MRPL37: variants seen among roughly 807,000 people sequenced by gnomAD.
MRPL37 encodes the protein large ribosomal subunit protein mL37.
Under a neutral mutation model 44.1 loss-of-function variants are expected in MRPL37, and 34 were observed. That is an observed-to-expected ratio of 0.77 (90% CI 0.59 to 1.03). The LOEUF is 1.03. MRPL37 is among the 50% of genes least tolerant of loss of function. MRPL37 has a pLI of 0.00. For synonymous variants in MRPL37, 212 were observed against 219.5 expected, an observed-to-expected ratio of 0.97 and a Z score of 0.30; for missense variants, 532 against 543.7, an observed-to-expected ratio of 0.98 and a Z score of 0.21.
At position 54,200,715 on chromosome 1, in the gene MRPL37, C is replaced by T. The variant is rs1224425937; in HGVS notation, c.346+126C>T. 2.2e-5 allele frequency: 23 copies of T among 1,053,510 alleles called. No homozygotes were observed. In the East Asian group the frequency reaches 5.8e-4, roughly 26 times the overall value. 65.3% of individuals were successfully genotyped at this position (1,053,510 alleles called of 1,614,324 possible). A position where few individuals can be genotyped will look rare whatever the true frequency, so the allele number is the denominator to read the frequency against. ...TGGTTTCTTCGTCTGCGAAATGGGG[C>T]CGTAGTGATTCCCGTCTTCTGAGGG... On this transcript the variant is annotated intron_variant, in intron 1 of 6. Transcript: ENST00000360840.
At chr1:54,212,418 G>C (rs1644171201) in intron 4 of MRPL37, 83 bp from the exon 5 acceptor site, 3 of 1,513,394 alleles carry the variant, frequency 2.0e-6, no homozygotes, top group South Asian at 2.5e-5. Flanking sequence ...CTGTCCCTGG[G>C]CTAAGGCGAG....
chr1:54,210,219 AG>A, intron 4 of MRPL37, 88 bp downstream of exon 4: 1 of 1,363,616 alleles, frequency 7.3e-7, no homozygotes, highest in Non-Finnish European at 1.0e-6. Context: ...AGAACTTGCT[AG>A]GTGCTAGGCA....
At chr1:54,223,405 C>T (rs965175433), downstream of MRPL37, among the ~76,000 whole-genome samples, 5 of 152,230 alleles carry the variant, frequency 3.3e-5, no homozygotes, top group Non-Finnish European at 5.9e-5. Context: ...GGGAACACAG[C>T]CCACCACTTC....
intron 5 of MRPL37, among the ~76,000 whole-genome samples, chr1:54,215,538 C>T (rs942325569): frequency 2.0e-5 from 3 of 152,082 alleles, no homozygotes; most frequent in Non-Finnish European, 4.4e-5. Context: ...TGAGTTGCAG[C>T]GTCAGCATGA....
chr1:54,215,930 G>A (rs567585578), intron 5 of MRPL37, among the ~76,000 whole-genome samples: 2 of 152,260 alleles, frequency 1.3e-5, no homozygotes, highest in South Asian at 4.1e-4. Context: ...AGGCACCCTG[G>A]GGCCATGAGG....
downstream of MRPL37, chr1:54,218,411 G>A (rs1644212423): frequency 6.8e-6 from 10 of 1,473,504 alleles, no homozygotes; most frequent in East Asian, 4.7e-5. Flanking sequence ...GGGTGCCATC[G>A]GGAAGGGCGC....
chr1:54,220,482 A>G (rs1363400109), downstream of MRPL37: 14 of 374,380 alleles, frequency 3.7e-5, 1 homozygote, highest in East Asian at 1.0e-3. Context: ...TGATCTGCAA[A>G]GTGGGGCAGG....
chr1:54,223,757 G>A (rs527997152), downstream of MRPL37, among the ~76,000 whole-genome samples: 34 of 152,210 alleles, frequency 2.2e-4, no homozygotes, highest in Non-Finnish European at 3.5e-4. Flanking sequence ...GTGATGGGCC[G>A]AAGCCCTATT....
chr1:54,208,175 G>T (rs903157021), intron 3 of MRPL37, among the ~76,000 whole-genome samples: 5 of 152,134 alleles, frequency 3.3e-5, no homozygotes, highest in African/African-American at 1.2e-4. Flanking sequence ...CTTCAGTGAG[G>T]CTGTTTGACT....
chr1:54,218,333 GT>G lies in MRPL37; in HGVS notation c.*87del. On this transcript the variant is annotated 3_prime_UTR_variant, in exon 7 of 7. Transcript: ENST00000360840. Reference sequence around the variant, plus strand: ...TGGGCCCCGTGGAGCCTCAGTGCCCGTTTGGCCTGCTGCTCTCGCTGACAAT... The same window carrying G: ...TGGGCCCCGTGGAGCCTCAGTGCCCGTTGGCCTGCTGCTCTCGCTGACAAT... 1 of 1,603,808 alleles carries G rather than the reference GT, an allele frequency of 6.2e-7. No homozygotes were observed. The highest frequency in any genetic ancestry group is 1.3e-5 in the African/African-American group (1 of 74,484).
In MRPL37 at chr1:54,200,497, C is replaced by T. The variant is rs763967659; in HGVS notation, c.254C>T (p.Pro85Leu). The stretch of plus-strand genomic sequence containing the variant: ...CCCTGGGACCGCGGCTACAAGGACC[C>T]AAGGTTCTACCGCTCGCCCCCTCTT... ...FPPWDRGYKD[P>L]RFYRSPPLHE... Residue 85 changes from proline (P) to leucine (L), a missense_variant, in exon 1 of 7, where the codon CCA (proline) becomes CTA (leucine). Physicochemically the swap from Pro to Leu is moderately conservative, Grantham distance 98 (BLOSUM62 -3). Transcript: ENST00000360840. The T allele has an allele frequency of 6.2e-7, 1 of 1,614,212 alleles. No individual in the cohort carries two copies. Among genetic ancestry groups the T allele is most frequent in the Non-Finnish European group, 8.5e-7 (1 of 1,180,038 alleles).
chr1:54,221,745 C>T (rs1350996191), downstream of MRPL37, among the ~76,000 whole-genome samples: 2 of 152,216 alleles, frequency 1.3e-5, no homozygotes, highest in Non-Finnish European at 2.9e-5. Flanking sequence ...ATCTCCTCCT[C>T]CCCAGCTAGG....
chr1:54,200,428 G>T lies in MRPL37; in HGVS notation c.185G>T (p.Gly62Val). 3 of 1,614,252 alleles carry T rather than the reference G, an allele frequency of 1.9e-6. No individual in the cohort carries two copies. The highest frequency in any genetic ancestry group is 1.7e-6 in the Non-Finnish European group (2 of 1,180,044). ...IPGLEPITFA[G>V]KMHFVPWLAR... ...GGACTGGAGCCCATCACCTTTGCGGGGAAGATGCACTTCGTGCCCTGGCTG... is the reference window on the plus strand; with the variant it reads ...GGACTGGAGCCCATCACCTTTGCGGTGAAGATGCACTTCGTGCCCTGGCTG... The change falls in exon 1 of 7, where the codon GGG (glycine) becomes GTG (valine). Residue 62 changes from glycine to valine, a missense_variant. Coordinates refer to ENST00000360840, the MANE Select transcript of MRPL37 (RefSeq NM_016491.4).
chr1:54,223,664 C>G (rs1446203004), downstream of MRPL37, among the ~76,000 whole-genome samples: 2 of 152,146 alleles, frequency 1.3e-5, no homozygotes, highest in African/African-American at 4.8e-5. Context: ...CCAGGCCGGC[C>G]GACCCCTAGA....
chr1:54,200,739 G>T (rs1644074132), intron 1 of MRPL37, 150 bp downstream of exon 1: 1 of 913,660 alleles, frequency 1.1e-6, no homozygotes, highest in South Asian at 1.8e-5. Context: ...GTCTTCTGAG[G>T]GTTGTTAGAA....
chr1:54,224,652 A>G (rs992058904), downstream of MRPL37, among the ~76,000 whole-genome samples: 7 of 138,454 alleles, frequency 5.1e-5, no homozygotes, highest in African/African-American at 1.9e-4. Flanking sequence ...TCTCCCACCC[A>G]CCCACCACGG....
intron 5 of MRPL37, among the ~76,000 whole-genome samples, chr1:54,215,326 A>G (rs1476590108): frequency 1.3e-5 from 2 of 152,182 alleles, no homozygotes; most frequent in Admixed American, 6.5e-5. Flanking sequence ...GTGGGAATAT[A>G]CCTCTAGATT....
At chr1:54,207,289 C>G (rs758976241) in intron 3 of MRPL37, 1 of 152,174 alleles carries the variant, frequency 6.6e-6, no homozygotes, top group Admixed American at 6.5e-5. Context: ...CAGTGTCTAA[C>G]AGTTCATGGT....
At chr1:54,217,660 C>CA (rs1360025097) in intron 6 of MRPL37, among the ~76,000 whole-genome samples, 4 of 152,196 alleles carry the variant, frequency 2.6e-5, no homozygotes, top group Admixed American at 2.6e-4. Flanking sequence ...TAAATGTCGG[C>CA]AAGTCAGTCA....
Sources: gnomAD v4.1 joint callset for allele counts (sites outside exome capture counted in the v4.1 genomes callset) on GRCh38, gnomAD v4.1.1 for gene constraint, MANE v1.5 for transcripts, NCBI Gene and HGNC (gene_info 2026-07-23, HGNC 2026-07-21) for gene names.